ILRUN: variants seen among roughly 807,000 people sequenced by gnomAD.
ILRUN encodes inflammation and lipid regulator with UBA-like and NBR1-like domains, also known as protein ILRUN.
In ILRUN, 3 loss-of-function variants were observed where a neutral mutation model predicts 33.8. That is an observed-to-expected ratio of 0.09 (90% CI 0.04 to 0.23). The LOEUF is 0.23. Among genes scored for constraint, ILRUN ranks in the 10% least tolerant of loss-of-function variants. The probability of loss-of-function intolerance (pLI) is 1.00; values close to 1 mark genes in which losing one functional copy is unlikely to be tolerated. For synonymous variants in ILRUN, 124 were observed against 138.9 expected (o/e 0.89, Z 0.75); for missense variants, 210 against 375.1 (o/e 0.56, Z 3.64).
At chr6:34,640,178 C>A (rs1224303388) in intron 3 of ILRUN, among the ~76,000 whole-genome samples, 1 of 151,990 alleles carries the variant, frequency 6.6e-6, no homozygotes, top group Non-Finnish European at 1.5e-5. Context: ...TCAAGATAAA[C>A]AGGTGAAGCC....
chr6:34,631,452 C>T (rs910603409), intron 3 of ILRUN, among the ~76,000 whole-genome samples: 15 of 151,896 alleles, frequency 9.9e-5, no homozygotes, highest in African/African-American at 2.9e-4. Context: ...CTCAGCCTTT[C>T]GAGTAGCAGG....
intron 2 of ILRUN, among the ~76,000 whole-genome samples, chr6:34,654,310 TG>T (rs1473807879): frequency 6.6e-6 from 1 of 152,212 alleles, no homozygotes. Flanking sequence ...GAAGTAAAAC[TG>T]TACAGGTGGA....
chr6:34,683,921 G>A (rs572498549), intron 1 of ILRUN, among the ~76,000 whole-genome samples: 4 of 151,788 alleles, frequency 2.6e-5, no homozygotes, highest in South Asian at 4.2e-4. Context: ...AAACATAACC[G>A]GCCATGGTGG....
intron 3 of ILRUN, among the ~76,000 whole-genome samples, chr6:34,623,961 A>G (rs1221985328): frequency 2.0e-5 from 3 of 152,072 alleles, no homozygotes; most frequent in Non-Finnish European, 4.4e-5. Context: ...CCTCCCAAGT[A>G]GCTGGGAGCA....
intron 3 of ILRUN, among the ~76,000 whole-genome samples, chr6:34,610,756 T>G (rs1178777656): frequency 6.6e-6 from 1 of 152,252 alleles, no homozygotes; most frequent in Non-Finnish European, 1.5e-5. Flanking sequence ...TAAATTCTTT[T>G]GTAAGTACAT....
Position 34,587,976 on chromosome 6 carries a change from A to C in ILRUN, c.*2589T>G. 1 of 397,928 alleles carries C rather than the reference A, an allele frequency of 2.5e-6. No homozygotes were observed. The highest frequency in any genetic ancestry group is 4.4e-6 in the Non-Finnish European group (1 of 226,018). The allele number at this position is 397,928 out of a possible 1,614,324, so 24.6% of individuals were successfully genotyped here. On this transcript the variant is annotated 3_prime_UTR_variant, in exon 5 of 5. Coordinates refer to ENST00000374023, the MANE Select transcript of ILRUN (RefSeq NM_024294.4). The stretch of plus-strand genomic sequence containing the variant: ...GGCCTGCCACTTGGTGAAGATTCTA[A>C]GAGGAGCAGGGACTATTGGGGCTGA...
chr6:34,605,975 A>G (rs1389810193), intron 4 of ILRUN, among the ~76,000 whole-genome samples: 1 of 152,254 alleles, frequency 6.6e-6, no homozygotes, highest in Non-Finnish European at 1.5e-5. Flanking sequence ...TGTGGAAGAC[A>G]CTGTTTAATC....
intron 4 of ILRUN, among the ~76,000 whole-genome samples, chr6:34,591,779 G>A (rs762376773): frequency 6.6e-6 from 1 of 152,098 alleles, no homozygotes; most frequent in South Asian, 2.1e-4. Flanking sequence ...GTGAGCCACC[G>A]CGCCTGGCCA....
rs78009762 is a variant in ILRUN at position 34,636,861 on chromosome 6, A to G, written c.511+9740T>C. Among the ~76,000 whole-genome samples, 141 of 152,346 alleles carry G rather than the reference A, an allele frequency of 9.3e-4. 2 individuals carry two copies. Among genetic ancestry groups the G allele is most frequent in the African/African-American group, 2.9e-3 (121 of 41,590 alleles). On this transcript the variant is annotated intron_variant, in intron 3 of 4. Coordinates refer to ENST00000374023, the MANE Select transcript of ILRUN (RefSeq NM_024294.4). ...ACAATGGCACTTACTAAAAACTCCC[A>G]TCACACAACAATTCAGTGAAACCTT...
chr6:34,633,791 G>C (rs983133141), intron 3 of ILRUN, among the ~76,000 whole-genome samples: 1 of 148,714 alleles, frequency 6.7e-6, no homozygotes, highest in African/African-American at 2.5e-5. Context: ...AATGGAAAGG[G>C]AAAGAAAAGA....
intron 4 of ILRUN, among the ~76,000 whole-genome samples, chr6:34,604,337 G>A (rs1001864746): frequency 1.3e-5 from 2 of 152,178 alleles, no homozygotes; most frequent in Admixed American, 6.5e-5. Flanking sequence ...AACCATCACA[G>A]AGGTGGTTAA....
chr6:34,624,487 C>G (rs771799052), intron 3 of ILRUN, among the ~76,000 whole-genome samples: 1 of 151,918 alleles, frequency 6.6e-6, no homozygotes, highest in African/African-American at 2.4e-5. Flanking sequence ...CCACACCTGG[C>G]TAATTTTGTT....
At chr6:34,628,847 G>C (rs1358032234) in intron 3 of ILRUN, among the ~76,000 whole-genome samples, 1 of 151,434 alleles carries the variant, frequency 6.6e-6, no homozygotes, top group Admixed American at 6.6e-5. Flanking sequence ...TGGGTGTGGT[G>C]GCTCACACCT....
rs528760616 is a variant in ILRUN at position 34,694,521 on chromosome 6, G to A, written c.158+1925C>T. On this transcript the variant is annotated intron_variant, in intron 1 of 4. Coordinates refer to ENST00000374023, the MANE Select transcript of ILRUN (RefSeq NM_024294.4). ...TTTCTCAGTGTGTTCAATAACCCAT[G>A]TCTCTCTGACTAAACACCACAGGTT... 1.2e-4 allele frequency among the ~76,000 whole-genome samples: 18 copies of A among 152,274 alleles called. 1 individual carries two copies. The South Asian group carries it at 3.3e-3, about 28-fold the overall frequency.
chr6:34,680,045 G>A (rs950275108), intron 1 of ILRUN, among the ~76,000 whole-genome samples: 1 of 152,256 alleles, frequency 6.6e-6, no homozygotes, highest in East Asian at 1.9e-4. Context: ...CACCCAGTTT[G>A]TGTTGTTTCT....
At chr6:34,595,423 A>C (rs921720580) in intron 4 of ILRUN, among the ~76,000 whole-genome samples, 3 of 152,246 alleles carry the variant, frequency 2.0e-5, no homozygotes, top group African/African-American at 7.2e-5. Context: ...TTTCATCAGT[A>C]GGCAGGGCAG....
At chr6:34,620,647 C>T (rs551639421) in intron 3 of ILRUN, among the ~76,000 whole-genome samples, 24 of 152,152 alleles carry the variant, frequency 1.6e-4, no homozygotes, top group Non-Finnish European at 3.2e-4. Flanking sequence ...AGCAACACAG[C>T]TACACTCCAA....
At chr6:34,667,321 C>G (rs560214037) in intron 1 of ILRUN, among the ~76,000 whole-genome samples, 97 of 152,290 alleles carry the variant, frequency 6.4e-4, no homozygotes, top group African/African-American at 2.2e-3. Context: ...CAATGTTAAA[C>G]TAAAACATGA....
intron 1 of ILRUN, among the ~76,000 whole-genome samples, chr6:34,677,809 T>G (rs1562029733): frequency 1.3e-5 from 2 of 151,800 alleles, no homozygotes; most frequent in African/African-American, 4.8e-5. Flanking sequence ...ATTAGCCAGG[T>G]GTGGTGGCAC....
Sources: gnomAD v4.1 joint callset for allele counts (sites outside exome capture counted in the v4.1 genomes callset) on GRCh38, gnomAD v4.1.1 for gene constraint, MANE v1.5 for transcripts, NCBI Gene and HGNC (gene_info 2026-07-23, HGNC 2026-07-21) for gene names.